The following ZMAT4 variants were observed in gnomAD, a reference collection of about 807,000 sequenced individuals.
ZMAT4 encodes zinc finger matrin-type protein 4.
A neutral mutation model predicts 28.7 loss-of-function variants in ZMAT4; 17 were observed. That is an observed-to-expected ratio of 0.59 (90% CI 0.41 to 0.89). The LOEUF (loss-of-function observed/expected upper bound fraction) is 0.89, where lower values mean the gene tolerates loss of function less well. Ranked by LOEUF, ZMAT4 falls within the 40% of genes least tolerant of loss-of-function variation. The pLI is 0.00. For missense variants in ZMAT4, 240 were observed against 283.8 expected (o/e 0.85, Z 1.11); for synonymous variants, 117 against 109.2 (o/e 1.07, Z -0.44).
intron 5 of ZMAT4, among the ~76,000 whole-genome samples, chr8:40,597,415 G>A (rs1009864594): frequency 2.6e-5 from 4 of 152,168 alleles, no homozygotes; most frequent in African/African-American, 9.7e-5. Context: ...TTGGAAAATT[G>A]GGCCTGGGCT....
chr8:40,759,620 C>T (rs778089094), intron 3 of ZMAT4, among the ~76,000 whole-genome samples: 29 of 152,132 alleles, frequency 1.9e-4, no homozygotes, highest in African/African-American at 3.4e-4. Flanking sequence ...ACCTTTCTGA[C>T]GTTTAAGCCA....
At chr8:40,649,854 A>T (rs1807548727) in intron 5 of ZMAT4, among the ~76,000 whole-genome samples, 1 of 152,082 alleles carries the variant, frequency 6.6e-6, no homozygotes, top group African/African-American at 2.4e-5. Context: ...GAAGGCAGAA[A>T]TAAAGATGTT....
intron 4 of ZMAT4, among the ~76,000 whole-genome samples, chr8:40,696,265 G>T (rs1324439283): frequency 6.6e-6 from 1 of 152,090 alleles, no homozygotes; most frequent in Non-Finnish European, 1.5e-5. Flanking sequence ...CTAGGTAAAA[G>T]AATACATTTT....
chr8:40,630,493 A>T (rs115242048), intron 5 of ZMAT4, among the ~76,000 whole-genome samples: 1 of 152,220 alleles, frequency 6.6e-6, no homozygotes, highest in Non-Finnish European at 1.5e-5. Flanking sequence ...ACCGTGGGGA[A>T]CTTAGAATTT....
intron 2 of ZMAT4, among the ~76,000 whole-genome samples, chr8:40,787,585 T>C (rs1267785237): frequency 6.6e-6 from 1 of 152,242 alleles, no homozygotes; most frequent in African/African-American, 2.4e-5. Flanking sequence ...TTACAGCTTC[T>C]CTTTGGCATA....
chr8:40,795,374 T>G (rs1814550005), intron 2 of ZMAT4, among the ~76,000 whole-genome samples: 1 of 152,176 alleles, frequency 6.6e-6, no homozygotes, highest in Non-Finnish European at 1.5e-5. Flanking sequence ...AGGACACGAA[T>G]TAAAAGCTGT....
chr8:40,555,070 T>C (rs1803488805), intron 6 of ZMAT4, among the ~76,000 whole-genome samples: 1 of 152,194 alleles, frequency 6.6e-6, no homozygotes, highest in Non-Finnish European at 1.5e-5. Context: ...TGAGAACATG[T>C]GATGTTTGCC....
intron 3 of ZMAT4, among the ~76,000 whole-genome samples, chr8:40,732,189 G>A (rs1405767530): frequency 3.3e-5 from 5 of 152,138 alleles, no homozygotes; most frequent in African/African-American, 9.7e-5. Context: ...CCAATGAACT[G>A]TATGCTTAAA....
At chr8:40,595,200 GTGCTCTAGGGTTGTTT>G (rs949075851) in intron 5 of ZMAT4, among the ~76,000 whole-genome samples, 24 of 152,284 alleles carry the variant, frequency 1.6e-4, no homozygotes, top group African/African-American at 5.3e-4. Flanking sequence ...AATGCCATTT[GTGCTCTAGGGTTGTTT>G]TGAACTCTGA....
chr8:40,758,182 A>G (rs1812772878), intron 3 of ZMAT4, among the ~76,000 whole-genome samples: 1 of 152,080 alleles, frequency 6.6e-6, no homozygotes, highest in Non-Finnish European at 1.5e-5. Flanking sequence ...GCTCCTGTTT[A>G]TATATACATC....
At chr8:40,563,365 G>A (rs1803810316) in intron 6 of ZMAT4, among the ~76,000 whole-genome samples, 1 of 152,140 alleles carries the variant, frequency 6.6e-6, no homozygotes, top group Admixed American at 6.6e-5. Context: ...TTAAACAATA[G>A]GTTTATTGCA....
At chr8:40,693,370 C>T (rs938288350) in intron 4 of ZMAT4, among the ~76,000 whole-genome samples, 4 of 152,178 alleles carry the variant, frequency 2.6e-5, no homozygotes, top group African/African-American at 9.7e-5. Flanking sequence ...CCAGCCTCAG[C>T]CTCCCAGAGT....
At chr8:40,601,470 A>AAGGG (rs1805319264) in intron 5 of ZMAT4, among the ~76,000 whole-genome samples, 1 of 58,812 alleles carries the variant, frequency 1.7e-5, no homozygotes. Flanking sequence ...GGAAGAAAGG[A>AAGGG]AAGAAAGAAA....
chr8:40,572,842 C>T (rs543171870), intron 6 of ZMAT4, among the ~76,000 whole-genome samples: 2 of 152,204 alleles, frequency 1.3e-5, no homozygotes, highest in South Asian at 4.1e-4. Flanking sequence ...TGTAAAAGAC[C>T]GTGTCTGGTT....
intron 5 of ZMAT4, among the ~76,000 whole-genome samples, chr8:40,588,068 A>C (rs760332939): frequency 4.6e-5 from 7 of 152,048 alleles, no homozygotes; most frequent in African/African-American, 7.2e-5. Context: ...TTCTAAATAC[A>C]ATTTAGCCAA....
At chr8:40,837,799 C>T (rs569485861) in intron 1 of ZMAT4, among the ~76,000 whole-genome samples, 187 of 152,304 alleles carry the variant, frequency 1.2e-3, no homozygotes, top group Non-Finnish European at 2.1e-3. Context: ...CAGGACAAGG[C>T]GTGTGTCCTG....
chr8:40,805,642 A>G (rs571645521), intron 2 of ZMAT4, among the ~76,000 whole-genome samples: 3 of 146,592 alleles, frequency 2.0e-5, no homozygotes, highest in South Asian at 4.6e-4. Context: ...CTTTGTAGGG[A>G]CATGGATGAA....
At chr8:40,888,552 C>T (rs931077451) in intron 1 of ZMAT4, 1 of 152,310 alleles carries the variant, frequency 6.6e-6, no homozygotes, top group East Asian at 1.9e-4. Flanking sequence ...AAAGGCATGC[C>T]CATCAGAGCC....
intron 5 of ZMAT4, among the ~76,000 whole-genome samples, chr8:40,638,761 C>A (rs948837341): frequency 1.3e-5 from 2 of 152,196 alleles, no homozygotes; most frequent in Non-Finnish European, 2.9e-5. Flanking sequence ...AAACCAGAGG[C>A]TCTGCAATGA....
Sources: allele counts gnomAD v4.1 joint callset (sites outside exome capture counted in the v4.1 genomes callset), GRCh38; gene constraint gnomAD v4.1.1; transcripts MANE v1.5; gene names NCBI Gene and HGNC (gene_info 2026-07-23, HGNC 2026-07-21).